Variants in SHC3 observed in about 807,000 individuals in gnomAD.
SHC3 encodes the protein SHC-transforming protein 3.
A neutral mutation model predicts 60.4 loss-of-function variants in SHC3; 15 were observed. The ratio of observed to expected loss-of-function variants is 0.25; its 90% CI spans 0.17 to 0.38. The LOEUF is 0.38. SHC3 is among the 10% of genes least tolerant of loss of function. SHC3 has a pLI of 1.00. For synonymous variants in SHC3, 294 were observed against 325.9 expected, an observed-to-expected ratio of 0.90 and a Z score of 1.05; for missense variants, 677 against 786.1, an observed-to-expected ratio of 0.86 and a Z score of 1.66.
intron 2 of SHC3, among the ~76,000 whole-genome samples, chr9:89,089,779 C>T (rs528478787): frequency 6.6e-6 from 1 of 152,278 alleles, no homozygotes; most frequent in Admixed American, 6.5e-5. Flanking sequence ...TCAGAGCCCA[C>T]AGGAGCCCCT....
rs1032766631 is a variant in SHC3 at position 89,109,942 on chromosome 9, T to C, written c.545+2614A>G. On this transcript the variant is annotated intron_variant, in intron 2 of 11. Coordinates refer to ENST00000375835, the MANE Select transcript of SHC3 (RefSeq NM_016848.6). ...CTCATGCACTGACAGCTGACCTGCA[T>C]GTTCCTTCATTTATACCTATGCCTC... 5.1e-6 allele frequency: 5 copies of C among 985,368 alleles called. No individual in the cohort carries two copies. The African/African-American group carries it at 5.2e-5, about 10-fold the overall frequency. 61.0% of individuals were successfully genotyped at this position (985,368 alleles called of 1,614,324 possible).
At chr9:89,137,994 G>C (rs1826342433) in intron 1 of SHC3, among the ~76,000 whole-genome samples, 1 of 152,222 alleles carries the variant, frequency 6.6e-6, no homozygotes, top group South Asian at 2.1e-4. Flanking sequence ...CGCACTGAAA[G>C]GGCAGGAAGC....
intron 1 of SHC3, among the ~76,000 whole-genome samples, chr9:89,140,748 G>A (rs925910075): frequency 1.3e-5 from 2 of 152,106 alleles, no homozygotes; most frequent in Admixed American, 6.6e-5. Flanking sequence ...AACAGGGTCC[G>A]TGGCACTTCC....
At chr9:89,146,478 C>A (rs776446550) in intron 1 of SHC3, among the ~76,000 whole-genome samples, 11 of 151,668 alleles carry the variant, frequency 7.3e-5, no homozygotes, top group Admixed American at 1.3e-4. Context: ...AAATGGAAAG[C>A]AAGAAGCAAT....
chr9:89,178,189 C>A lies in SHC3; in HGVS notation c.272G>T (p.Arg91Leu). 4 of 1,343,556 alleles carry A rather than the reference C, an allele frequency of 3.0e-6. No homozygotes were observed. Among genetic ancestry groups the A allele is most frequent in the Non-Finnish European group, 3.8e-6 (4 of 1,048,832 alleles). 83.2% of individuals were successfully genotyped at this position (1,343,556 alleles called of 1,614,324 possible). Residue 91 changes from arginine to leucine, a missense_variant, in exon 1 of 12, where the codon CGG (arginine) becomes CTG (leucine). Physicochemically the swap from Arg to Leu is moderately radical, Grantham distance 102. Transcript: ENST00000375835. This position sits in a 1 kb window ranked among gnomAD's most constrained non-coding sequence, Gnocchi z 6.9. ...LRGLSSAARE[R>L]AGARLSGSCS... ...GCTGCCCGAGAGCCGCGCGCCCGCC[C>A]GCTCCCGGGCGGCCGACGACAGGCC...
At chr9:89,075,288 T>C (rs1352935810) in intron 3 of SHC3, 60 bp from the exon 4 acceptor site, 1 of 1,590,652 alleles carries the variant, frequency 6.3e-7, no homozygotes. Context: ...GGTGGGGATG[T>C]GGATGCCTGC....
chr9:89,156,617 T>C (rs1363326507), intron 1 of SHC3, among the ~76,000 whole-genome samples: 1 of 152,024 alleles, frequency 6.6e-6, no homozygotes, highest in Non-Finnish European at 1.5e-5. Context: ...AGATGTTTGG[T>C]TCCCTGTAAA....
At chr9:89,082,884 G>A (rs913093170) in intron 2 of SHC3, among the ~76,000 whole-genome samples, 4 of 152,134 alleles carry the variant, frequency 2.6e-5, no homozygotes, top group South Asian at 2.1e-4. Context: ...GCTCATCTCC[G>A]AGTACCAGAA....
At chr9:89,108,424 G>A (rs1825896727) in intron 2 of SHC3, among the ~76,000 whole-genome samples, 1 of 152,090 alleles carries the variant, frequency 6.6e-6, no homozygotes, top group Non-Finnish European at 1.5e-5. Flanking sequence ...AGGAGGCTGA[G>A]GTGGGAGGAT....
At chr9:89,050,000 G>A (rs1042502698) in intron 7 of SHC3, among the ~76,000 whole-genome samples, 2 of 152,200 alleles carry the variant, frequency 1.3e-5, no homozygotes, top group African/African-American at 4.8e-5. Context: ...TAATTCGGCT[G>A]AAATTTTTCT....
intron 1 of SHC3, among the ~76,000 whole-genome samples, chr9:89,136,564 T>C (rs1294660307): frequency 6.6e-6 from 1 of 152,272 alleles, no homozygotes; most frequent in East Asian, 1.9e-4. Context: ...GCTCAGTTCC[T>C]GGAATTGTCC....
chr9:89,097,043 C>T (rs920656953), intron 2 of SHC3, among the ~76,000 whole-genome samples: 1 of 145,668 alleles, frequency 6.9e-6, no homozygotes, highest in African/African-American at 2.5e-5. Flanking sequence ...ATCTCAGCAG[C>T]GAGGAGGCCA....
chr9:89,036,976 A>AAAAAG (rs1554690117), intron 11 of SHC3, among the ~76,000 whole-genome samples: 20 of 151,790 alleles, frequency 1.3e-4, no homozygotes, highest in Admixed American at 1.2e-3. Context: ...AAAAAAAAAA[A>AAAAAG]AAGAAGGTGG....
chr9:89,017,419 T>C (rs1826116161), intron 11 of SHC3, among the ~76,000 whole-genome samples: 2 of 152,296 alleles, frequency 1.3e-5, no homozygotes, highest in South Asian at 4.1e-4. Context: ...ATTTAATAAA[T>C]GGTGTTGGGA....
intron 1 of SHC3, among the ~76,000 whole-genome samples, chr9:89,137,145 C>T (rs1035346026): frequency 2.0e-5 from 3 of 152,056 alleles, no homozygotes; most frequent in South Asian, 2.1e-4. Flanking sequence ...ACCTTGCACC[C>T]GGTCCCTCCC....
chr9:89,154,205 CTTTT>C (rs113595933), intron 1 of SHC3, among the ~76,000 whole-genome samples: 1 of 145,590 alleles, frequency 6.9e-6, no homozygotes, highest in East Asian at 2.0e-4. Flanking sequence ...TGTGATTTTT[CTTTT>C]TTTTTTTAGC....
In SHC3 at chr9:89,127,079, A is replaced by G. The variant is rs549149840; in HGVS notation, c.475-14453T>C. Among the ~76,000 whole-genome samples, 14 of 152,322 alleles carry G rather than the reference A, an allele frequency of 9.2e-5. No homozygotes were observed. In the South Asian group the frequency reaches 1.2e-3, roughly 14 times the overall value. ...CCACTTTAGACTCCTGGGAAAAGCA[A>G]TGGAGACTGCCCAGTACTGTAGCTC... On this transcript the variant is annotated intron_variant, in intron 1 of 11. Coordinates refer to ENST00000375835, the MANE Select transcript of SHC3 (RefSeq NM_016848.6).
At chr9:89,090,146 A>T (rs1167798355) in intron 2 of SHC3, among the ~76,000 whole-genome samples, 2 of 152,112 alleles carry the variant, frequency 1.3e-5, no homozygotes, top group Non-Finnish European at 2.9e-5. Context: ...GGTGGAGATA[A>T]AATATATCTC....
At position 89,178,506 on chromosome 9, in the gene SHC3, G is replaced by A; in HGVS notation, c.-46C>T. 2 of 1,415,196 alleles carry A rather than the reference G, an allele frequency of 1.4e-6. No individual in the cohort carries two copies. Among genetic ancestry groups the A allele is most frequent in the Non-Finnish European group, 1.9e-6 (2 of 1,079,276 alleles). The allele number at this position is 1,415,196 out of a possible 1,614,324, so 87.7% of individuals were successfully genotyped here. A position where few individuals can be genotyped will look rare whatever the true frequency, so the allele number is the denominator to read the frequency against. On this transcript the variant is annotated 5_prime_UTR_variant, in exon 1 of 12. Transcript: ENST00000375835. The surrounding 1 kb of genome is among the most constrained non-coding windows in gnomAD (Gnocchi z 6.9). ...CATCCGCCCGGGCGCTGCTGGTGCC[G>A]GCCCCGGCGCGGGCTGCCGCGCATA...
Sources: allele counts gnomAD v4.1 joint callset (sites outside exome capture counted in the v4.1 genomes callset), GRCh38; gene constraint gnomAD v4.1.1; non-coding constraint Gnocchi (gnomAD v3.1); transcripts MANE v1.5; gene names NCBI Gene and HGNC (gene_info 2026-07-23, HGNC 2026-07-21).